Variants in CDH23 observed in about 807,000 individuals in gnomAD.
CDH23 encodes cadherin related 23, also known as cadherin-23.
Under a neutral mutation model 317.1 loss-of-function variants are expected in CDH23, and 189 were observed. The observed-to-expected ratio is 0.60, with a 90% CI of 0.53 to 0.67. CDH23 has a LOEUF of 0.67. Ranked by LOEUF, CDH23 falls within the 30% of genes least tolerant of loss-of-function variation. CDH23 has a pLI of 0.00. For missense variants in CDH23, 4,401 were observed against 4,592.4 expected (o/e 0.96, Z 1.20); for synonymous variants, 1,839 against 1,876.8 (o/e 0.98, Z 0.52).
Position 71,617,191 on chromosome 10 carries a change from A to G in CDH23, c.946-14A>G, listed in dbSNP as rs1861232340. On this transcript the variant is annotated splice_polypyrimidine_tract_variant and intron_variant, in intron 10 of 69. Transcript: ENST00000224721. ...AGCTGCCTTCACTCCGGGGTGACTGATCTCTGTCCATAGGGCACGGAGCTG... is the reference window on the plus strand; with the variant it reads ...AGCTGCCTTCACTCCGGGGTGACTGGTCTCTGTCCATAGGGCACGGAGCTG... The G allele has an allele frequency of 6.9e-6, 11 of 1,605,170 alleles. No individual in the cohort carries two copies. The highest frequency in any genetic ancestry group is 9.4e-6 in the Non-Finnish European group (11 of 1,172,608).
chr10:71,467,662 G>A (rs1162349227), intron 3 of CDH23, among the ~76,000 whole-genome samples: 1 of 152,156 alleles, frequency 6.6e-6, no homozygotes, highest in African/African-American at 2.4e-5. Context: ...ACCTCTCTGT[G>A]CCAAGGCTTC....
chr10:71,495,222 A>G (rs933924960), intron 3 of CDH23, among the ~76,000 whole-genome samples: 2 of 152,236 alleles, frequency 1.3e-5, no homozygotes, highest in African/African-American at 2.4e-5. Context: ...GTGATGTATT[A>G]ATTTTAGGGC....
chr10:71,712,588 G>T, intron 27 of CDH23, 77 bp from the exon 28 acceptor site: 1 of 1,550,046 alleles, frequency 6.5e-7, no homozygotes, highest in South Asian at 1.2e-5. Context: ...GCCGGTGCCC[G>T]GGAGTGTGCA....
At chr10:71,716,066 T>C in intron 28 of CDH23, 1 of 1,515,896 alleles carries the variant, frequency 6.6e-7, no homozygotes. Context: ...GCCCAGGCGC[T>C]TCCAGAGCCG....
Position 71,751,826 on chromosome 10 carries a change from G to A in CDH23, c.4845+9905G>A, listed in dbSNP as rs1840011248. 2 of 1,570,072 alleles carry A rather than the reference G, an allele frequency of 1.3e-6. No homozygotes were observed. The highest frequency in any genetic ancestry group is 8.6e-7 in the Non-Finnish European group (1 of 1,158,934). On this transcript the variant is annotated intron_variant, in intron 38 of 69. Coordinates refer to ENST00000224721, the MANE Select transcript of CDH23 (RefSeq NM_022124.6). The surrounding 1 kb of genome is among the most constrained non-coding windows in gnomAD (Gnocchi z 4.9). ...GGGTATCCCCTGGGCAGGTGGTGAG[G>A]CTTCAAAGCCGGGGTTTTCAATCCC... is the stretch of plus-strand genomic sequence containing the variant.
chr10:71,555,433 G>A (rs1033135403), intron 6 of CDH23, among the ~76,000 whole-genome samples: 16 of 152,178 alleles, frequency 1.1e-4, no homozygotes, highest in Admixed American at 1.3e-4. Context: ...TCAGCCTATA[G>A]TGTCACTGTT....
At chr10:71,694,119 C>T in intron 20 of CDH23, 28 bp from the exon 21 acceptor site, 4 of 1,586,062 alleles carry the variant, frequency 2.5e-6, no homozygotes, top group Non-Finnish European at 3.5e-6. Context: ...CCCAAACCCT[C>T]TCACGCACCC....
At chr10:71,793,108 C>A in intron 47 of CDH23, 74 bp from the exon 48 acceptor site, 1 of 1,193,332 alleles carries the variant, frequency 8.4e-7, no homozygotes, top group Non-Finnish European at 1.2e-6. Context: ...AGAAGATCAC[C>A]AACAAATGTG....
intron 3 of CDH23, among the ~76,000 whole-genome samples, chr10:71,472,411 C>T (rs1006982317): frequency 6.6e-6 from 1 of 152,206 alleles, no homozygotes; most frequent in African/African-American, 2.4e-5. Flanking sequence ...CCTCTTGGCT[C>T]CTCTATCACC....
intron 1 of CDH23, among the ~76,000 whole-genome samples, chr10:71,404,793 C>T (rs1410496694): frequency 6.6e-6 from 1 of 152,216 alleles, no homozygotes; most frequent in Non-Finnish European, 1.5e-5. Context: ...CTGTGTCTTC[C>T]TGGAGATGCA....
chr10:71,546,598 C>T (rs1282315890), intron 6 of CDH23, among the ~76,000 whole-genome samples: 1 of 152,214 alleles, frequency 6.6e-6, no homozygotes, highest in Non-Finnish European at 1.5e-5. Context: ...TGCGTGTCCA[C>T]TGCACCTAGA....
chr10:71,722,059 C>T (rs1474356796), intron 28 of CDH23, among the ~76,000 whole-genome samples: 1 of 152,242 alleles, frequency 6.6e-6, no homozygotes, highest in Non-Finnish European at 1.5e-5. Flanking sequence ...AACCCATCCC[C>T]ATCTTCTCTG....
chr10:71,503,263 G>A lies in CDH23; in HGVS notation c.146-6819G>A, dbSNP rs146089115. On this transcript the variant is annotated intron_variant, in intron 3 of 69. Transcript: ENST00000224721. Reference sequence around the variant, plus strand: ...AGCCCCCAGGATGGGGTACAGGGCCGGTTCCTCAGAGACTGGACCCCCAGT... The same window carrying A: ...AGCCCCCAGGATGGGGTACAGGGCCAGTTCCTCAGAGACTGGACCCCCAGT... Among the ~76,000 whole-genome samples, 1,018 of 152,348 alleles carry A rather than the reference G, an allele frequency of 6.7e-3. 13 individuals carry two copies. Among genetic ancestry groups the A allele is most frequent in the African/African-American group, 0.022 (930 of 41,580 alleles).
chr10:71,756,061 C>G (rs1840137950), intron 38 of CDH23, among the ~76,000 whole-genome samples: 1 of 152,104 alleles, frequency 6.6e-6, no homozygotes, highest in Non-Finnish European at 1.5e-5. Flanking sequence ...CTTGATCTCA[C>G]CACACAAGTC....
chr10:71,495,827 A>AGGAAGGAAGGAAG (rs1564615543), intron 3 of CDH23, among the ~76,000 whole-genome samples: 2 of 146,134 alleles, frequency 1.4e-5, no homozygotes, highest in African/African-American at 5.3e-5. Context: ...AAAAAAAGAA[A>AGGAAGGAAGGAAG]GAAAGAAAGA....
chr10:71,448,277 G>A (rs1240704421), intron 3 of CDH23, among the ~76,000 whole-genome samples: 1 of 152,264 alleles, frequency 6.6e-6, no homozygotes, highest in Non-Finnish European at 1.5e-5. Flanking sequence ...CCTTCAGCAG[G>A]TCCTTCTCCT....
chr10:71,811,263 G>A, intron 62 of CDH23, 52 bp from the exon 63 acceptor site: 1 of 1,613,076 alleles, frequency 6.2e-7, no homozygotes. Flanking sequence ...CAGACTGTCG[G>A]TGGTGGGGGA....
In CDH23 at chr10:71,727,232, C is replaced by A. The variant is rs192341992; in HGVS notation, c.3579+1712C>A. Among the ~76,000 whole-genome samples the A allele has an allele frequency of 3.3e-5, 5 of 152,342 alleles. No individual in the cohort carries two copies. The South Asian group carries it at 1.0e-3, about 32-fold the overall frequency. ...AGCCGACTTGTTCAGGGTCACACAGCGGTAAGGGTGGAGCCAGGCTTCATG... is the reference window on the plus strand; with the variant it reads ...AGCCGACTTGTTCAGGGTCACACAGAGGTAAGGGTGGAGCCAGGCTTCATG... On this transcript the variant is annotated intron_variant, in intron 30 of 69. Transcript: ENST00000224721.
chr10:71,554,469 C>A (rs1216717280), intron 6 of CDH23, among the ~76,000 whole-genome samples: 2 of 151,708 alleles, frequency 1.3e-5, no homozygotes, highest in African/African-American at 4.8e-5. Context: ...AAGTGCTAGT[C>A]TTTTTCTTAT....
Sources: gnomAD v4.1 joint callset for allele counts (sites outside exome capture counted in the v4.1 genomes callset) on GRCh38, gnomAD v4.1.1 for gene constraint, Gnocchi (gnomAD v3.1) non-coding constraint, MANE v1.5 for transcripts, NCBI Gene and HGNC (gene_info 2026-07-23, HGNC 2026-07-21) for gene names.